Variants in UBE2E2 observed in about 807,000 individuals in gnomAD.
UBE2E2 encodes the protein ubiquitin conjugating enzyme E2 E2, also known as ubiquitin-conjugating enzyme E2 E2.
A neutral mutation model predicts 24.7 loss-of-function variants in UBE2E2; 6 were observed. The observed-to-expected ratio is 0.24, with a 90% confidence interval of 0.13 to 0.48. The LOEUF (loss-of-function observed/expected upper bound fraction) is 0.48, where lower values mean the gene tolerates loss of function less well. Ranked by LOEUF, UBE2E2 falls within the 20% of genes least tolerant of loss-of-function variation. The pLI is 0.99. For missense variants in UBE2E2, 169 were observed against 245.0 expected (o/e 0.69, Z 2.07); for synonymous variants, 104 against 83.6 (o/e 1.24, Z -1.33).
chr3:23,517,826 T>C (rs1183746184), intron 4 of UBE2E2, among the ~76,000 whole-genome samples: 1 of 152,208 alleles, frequency 6.6e-6, no homozygotes, highest in Admixed American at 6.5e-5. Context: ...CAGACAATTT[T>C]CTACTAGATA....
intron 3 of UBE2E2, among the ~76,000 whole-genome samples, chr3:23,382,338 C>T (rs934325216): frequency 6.6e-6 from 1 of 151,902 alleles, no homozygotes; most frequent in Non-Finnish European, 1.5e-5. Context: ...TGTGCTACTG[C>T]ACCTGGCTAA....
chr3:23,337,202 G>A (rs1352314294), intron 3 of UBE2E2, among the ~76,000 whole-genome samples: 2 of 151,722 alleles, frequency 1.3e-5, no homozygotes, highest in Non-Finnish European at 2.9e-5. Context: ...GCATTAGCTA[G>A]GCAATATAAT....
chr3:23,348,379 C>G (rs564110695), intron 3 of UBE2E2, among the ~76,000 whole-genome samples: 142 of 146,298 alleles, frequency 9.7e-4, no homozygotes, highest in Non-Finnish European at 1.6e-3. Context: ...AGTCCATAGG[C>G]TAAAGCTTAT....
At chr3:23,204,556 T>C (rs1426382126) in intron 1 of UBE2E2, 4 of 318,274 alleles carry the variant, frequency 1.3e-5, no homozygotes, top group African/African-American at 9.0e-5. Flanking sequence ...GTCTGGACTT[T>C]GTGAATCTAA....
intron 3 of UBE2E2, among the ~76,000 whole-genome samples, chr3:23,234,868 CA>C (rs1234845836): frequency 6.6e-6 from 1 of 152,050 alleles, no homozygotes; most frequent in East Asian, 1.9e-4. Context: ...TGGATAGGTT[CA>C]AAATGGTATT....
chr3:23,319,708 T>C (rs1355501464), intron 3 of UBE2E2, among the ~76,000 whole-genome samples: 1 of 146,130 alleles, frequency 6.8e-6, no homozygotes, highest in Non-Finnish European at 1.5e-5. Flanking sequence ...CTAGCTACTT[T>C]TGAGGCTGAG....
intron 3 of UBE2E2, among the ~76,000 whole-genome samples, chr3:23,488,145 A>C (rs1699416477): frequency 6.6e-6 from 1 of 152,110 alleles, no homozygotes; most frequent in South Asian, 2.1e-4. Flanking sequence ...GTAGATATTT[A>C]ACCTACCTTG....
At chr3:23,412,683 C>T (rs185067046) in intron 3 of UBE2E2, among the ~76,000 whole-genome samples, 180 of 152,278 alleles carry the variant, frequency 1.2e-3, no homozygotes, top group African/African-American at 4.1e-3. Context: ...TTTCCTCATG[C>T]CTTTATTCAA....
intron 3 of UBE2E2, among the ~76,000 whole-genome samples, chr3:23,405,581 C>T (rs1467235310): frequency 6.6e-6 from 1 of 152,068 alleles, no homozygotes; most frequent in African/African-American, 2.4e-5. Flanking sequence ...TAAAAAGTCA[C>T]TCAAAGTCAG....
chr3:23,263,624 G>C (rs1173445852), intron 3 of UBE2E2, among the ~76,000 whole-genome samples: 2 of 152,092 alleles, frequency 1.3e-5, no homozygotes, highest in East Asian at 3.9e-4. Context: ...ACAATGATTT[G>C]ATGTTTAAAA....
intron 3 of UBE2E2, among the ~76,000 whole-genome samples, chr3:23,293,662 CATA>C (rs2125251261): frequency 6.6e-6 from 1 of 152,098 alleles, no homozygotes; most frequent in East Asian, 1.9e-4. Flanking sequence ...TTATTAAAAT[CATA>C]ATATGTATCT....
At chr3:23,450,767 CTT>C (rs1463987784) in intron 3 of UBE2E2, among the ~76,000 whole-genome samples, 11 of 152,012 alleles carry the variant, frequency 7.2e-5, no homozygotes, top group Non-Finnish European at 1.2e-4. Flanking sequence ...ATTAAAATAA[CTT>C]TTTCATTTTA....
chr3:23,203,627 C>T (rs1212091199), intron 1 of UBE2E2, among the ~76,000 whole-genome samples, 163 bp downstream of exon 1: 2 of 145,322 alleles, frequency 1.4e-5, no homozygotes, highest in Non-Finnish European at 3.0e-5. Context: ...GTTCCCTACG[C>T]CCCCTCCCGC....
intron 5 of UBE2E2, among the ~76,000 whole-genome samples, chr3:23,549,623 G>T (rs1472206389): frequency 6.6e-6 from 1 of 152,102 alleles, no homozygotes; most frequent in Non-Finnish European, 1.5e-5. Context: ...AAAATGGTAT[G>T]TGTGGACCTC....
At chr3:23,376,049 G>A (rs924739268) in intron 3 of UBE2E2, among the ~76,000 whole-genome samples, 1 of 152,126 alleles carries the variant, frequency 6.6e-6, no homozygotes, top group Non-Finnish European at 1.5e-5. Context: ...CAATTTTAAA[G>A]TATTCTAATT....
intron 3 of UBE2E2, among the ~76,000 whole-genome samples, chr3:23,310,355 TCTTA>T (rs1694342845): frequency 1.3e-5 from 2 of 151,616 alleles, no homozygotes; most frequent in Admixed American, 6.6e-5. Context: ...GAGTTGGATA[TCTTA>T]CTGTCTTTTC....
chr3:23,386,169 G>A (rs1317779999), intron 3 of UBE2E2, among the ~76,000 whole-genome samples: 8 of 152,152 alleles, frequency 5.3e-5, no homozygotes, highest in African/African-American at 1.9e-4. Flanking sequence ...TAAACTGGGT[G>A]GCTTATAAAC....
intron 3 of UBE2E2, among the ~76,000 whole-genome samples, chr3:23,375,936 A>T (rs1696510901): frequency 6.6e-6 from 1 of 152,228 alleles, no homozygotes; most frequent in Non-Finnish European, 1.5e-5. Flanking sequence ...AAAATTTCAT[A>T]AATGGCTTAT....
At chr3:23,397,669 TA>T (rs1291149514) in intron 3 of UBE2E2, among the ~76,000 whole-genome samples, 4 of 152,234 alleles carry the variant, frequency 2.6e-5, no homozygotes. Context: ...TGTTGGACAT[TA>T]AGTTTTTAAG....
Sources: gnomAD v4.1 joint callset for allele counts (sites outside exome capture counted in the v4.1 genomes callset) on GRCh38, gnomAD v4.1.1 for gene constraint, MANE v1.5 for transcripts, NCBI Gene and HGNC (gene_info 2026-07-23, HGNC 2026-07-21) for gene names.